Variants in FANCA observed in about 807,000 individuals in gnomAD.
FANCA encodes FA complementation group A, also known as Fanconi anemia group A protein.
A neutral mutation model predicts 194.3 loss-of-function variants in FANCA; 236 were observed. The ratio of observed to expected loss-of-function variants is 1.21; its 90% CI spans 1.09 to 1.35. The LOEUF (loss-of-function observed/expected upper bound fraction) is 1.35. Ranked by LOEUF, FANCA falls within the 40% of genes most tolerant of loss-of-function variation. The probability of loss-of-function intolerance (pLI) is 0.00; values close to 1 mark genes in which losing one functional copy is unlikely to be tolerated. For synonymous variants in FANCA, 1,014 were observed against 715.8 expected (o/e 1.42, Z -6.65); for missense variants, 2,628 against 1,813.9 (o/e 1.45, Z -8.15).
chr16:89,816,426 G>T, intron 1 of FANCA, 111 bp downstream of exon 1: 3 of 989,666 alleles, frequency 3.0e-6, no homozygotes, highest in Non-Finnish European at 4.0e-6. Context: ...CCCCGGGCGC[G>T]GCGTCCGGGG....
chr16:89,752,114 G>C, intron 31 of FANCA, 24 bp downstream of exon 31: 2 of 1,601,908 alleles, frequency 1.2e-6, no homozygotes. Flanking sequence ...TGAATGCACT[G>C]AGTTGTGGCA....
chr16:89,799,914 A>C (rs941175794), intron 8 of FANCA, among the ~76,000 whole-genome samples: 2 of 152,204 alleles, frequency 1.3e-5, no homozygotes, highest in African/African-American at 4.8e-5. Flanking sequence ...GAATGGCGTG[A>C]ACCCGGGAGG....
chr16:89,816,636 C>A lies in FANCA; in HGVS notation c.-21G>T, dbSNP rs889664442. On this transcript the variant is annotated 5_prime_UTR_variant, in exon 1 of 43. Coordinates refer to ENST00000389301, the MANE Select transcript of FANCA (RefSeq NM_000135.4). ...GACATGGCCTTGGCGCCTACAGCCC[C>A]GGCGGCGGCTCCCTGCGCCCGAGCC... is the stretch of plus-strand genomic sequence containing the variant. The A allele has an allele frequency of 3.3e-6, 5 of 1,516,604 alleles. No individual in the cohort carries two copies. The South Asian group carries it at 3.6e-5, about 11-fold the overall frequency. 93.9% of individuals were successfully genotyped at this position (1,516,604 alleles called of 1,614,324 possible).
chr16:89,788,371 G>C (rs1291808220), intron 14 of FANCA, among the ~76,000 whole-genome samples: 2 of 152,134 alleles, frequency 1.3e-5, no homozygotes, highest in Non-Finnish European at 2.9e-5. Context: ...TGAAACAGGA[G>C]AATCGCTTGA....
intron 10 of FANCA, 73 bp from the exon 11 acceptor site, chr16:89,796,091 A>G: frequency 8.7e-7 from 1 of 1,153,070 alleles, no homozygotes; most frequent in Non-Finnish European, 1.3e-6. Context: ...CCCAGCACAA[A>G]CTGTGGCTCA....
At chr16:89,776,728 G>A (rs17232812) in intron 20 of FANCA, among the ~76,000 whole-genome samples, 13,968 of 151,970 alleles carry the variant, frequency 0.092, 840 homozygotes, top group Non-Finnish European at 0.14. Context: ...CTACTTGGTA[G>A]GCTGAGGTGG....
intron 3 of FANCA, 121 bp from the exon 4 acceptor site, chr16:89,811,192 C>G: frequency 8.1e-7 from 1 of 1,228,208 alleles, no homozygotes. Flanking sequence ...GCCTTTTAAA[C>G]GGGGAGAATA....
intron 14 of FANCA, 72 bp from the exon 15 acceptor site, chr16:89,785,036 G>A (rs2039851308): frequency 9.2e-7 from 1 of 1,085,024 alleles, no homozygotes. Context: ...TGTCCTGTGT[G>A]GAGAGAAGAG....
At chr16:89,799,100 T>C in intron 10 of FANCA, 66 bp downstream of exon 10, 1 of 1,614,166 alleles carries the variant, frequency 6.2e-7, no homozygotes, top group Non-Finnish European at 8.5e-7. Flanking sequence ...TTAAAATATC[T>C]TGGCTCTTTA....
At chr16:89,762,497 G>A (rs1405320418) in intron 28 of FANCA, 12 of 231,540 alleles carry the variant, frequency 5.2e-5, no homozygotes, top group Non-Finnish European at 7.8e-5. Context: ...GGGAGGCTGA[G>A]GCAGGAGGAT....
intron 26 of FANCA, among the ~76,000 whole-genome samples, chr16:89,768,979 G>C (rs1173874749): frequency 1.3e-5 from 2 of 152,162 alleles, no homozygotes; most frequent in Non-Finnish European, 2.9e-5. Context: ...GCCTAGGAGG[G>C]ACTCTGTATC....
chr16:89,764,959 C>A lies in FANCA; in HGVS notation c.2709G>T (p.Trp903Cys). The A allele has an allele frequency of 6.2e-7, 1 of 1,614,190 alleles. No homozygotes were observed. The highest frequency in any genetic ancestry group is 8.5e-7 in the Non-Finnish European group (1 of 1,180,014). The change falls in exon 28 of 43, where the codon TGG becomes TGT. Residue 903 changes from tryptophan to cysteine, a missense_variant. Transcript: ENST00000389301. ...TCCAGAGAGAGAGGGCAGCTCTCTG[C>A]CAGTCTGCAGAAGGAAGGTGCAAGG... ...WRPLHLPSAD[W>C]QRAALSLWTH...
chr16:89,773,717 C>T (rs1362602156), intron 21 of FANCA, among the ~76,000 whole-genome samples: 1 of 151,310 alleles, frequency 6.6e-6, no homozygotes, highest in Admixed American at 6.6e-5. Flanking sequence ...CGAGGGCTGG[C>T]GAGGGTGGGG....
intron 26 of FANCA, 60 bp downstream of exon 26, chr16:89,769,777 G>A (rs1567617924): frequency 1.2e-5 from 19 of 1,574,726 alleles, no homozygotes; most frequent in East Asian, 2.3e-5. Context: ...TTTATCAAAC[G>A]AGCATGTGTC....
intron 20 of FANCA, among the ~76,000 whole-genome samples, chr16:89,776,776 AG>A (rs983800238): frequency 6.6e-6 from 1 of 152,030 alleles, no homozygotes; most frequent in Admixed American, 6.6e-5. Flanking sequence ...GCTTGCAGTG[AG>A]CCGAGATTGC....
chr16:89,766,581 G>T lies in FANCA; in HGVS notation c.2601+560C>A, dbSNP rs564088623. ...TACAAAACAATTAGCCGGGTATGGT[G>T]GCACGTGCCTGTAATCCCAGCAACT... On this transcript the variant is annotated intron_variant, in intron 27 of 42. Transcript: ENST00000389301. 5.1e-4 allele frequency among the ~76,000 whole-genome samples: 77 copies of T among 152,106 alleles called. No homozygotes were observed. The South Asian group carries it at 0.015, about 30-fold the overall frequency.
At chr16:89,765,738 G>A (rs1401770912) in intron 27 of FANCA, among the ~76,000 whole-genome samples, 1 of 152,256 alleles carries the variant, frequency 6.6e-6, no homozygotes, top group African/African-American at 2.4e-5. Flanking sequence ...CTGCTCCAAG[G>A]ACTGTCGTCC....
At chr16:89,776,616 A>G (rs1433097083) in intron 20 of FANCA, among the ~76,000 whole-genome samples, 2 of 151,694 alleles carry the variant, frequency 1.3e-5, no homozygotes, top group Non-Finnish European at 2.9e-5. Flanking sequence ...TCAGGAGGTC[A>G]GGAGATTGAG....
intron 31 of FANCA, 49 bp downstream of exon 31, chr16:89,752,089 G>T (rs56326613): frequency 1.3e-6 from 2 of 1,526,442 alleles, no homozygotes; most frequent in Non-Finnish European, 1.8e-6. Flanking sequence ...TTAATAGCAC[G>T]CGGCTTAAAT....
Sources: allele counts gnomAD v4.1 joint callset (sites outside exome capture counted in the v4.1 genomes callset), GRCh38; gene constraint gnomAD v4.1.1; transcripts MANE v1.5; gene names NCBI Gene and HGNC (gene_info 2026-07-23, HGNC 2026-07-21).